Variants in PCDHGB1 observed in about 807,000 individuals in gnomAD.
PCDHGB1 encodes the protein protocadherin gamma subfamily B, 1, also known as protocadherin gamma-B1.
In PCDHGB1, 34 loss-of-function variants were observed where a neutral mutation model predicts 56.6. That is an observed-to-expected ratio of 0.60 (90% confidence interval 0.46 to 0.80). The LOEUF is 0.80. Among genes scored for constraint, PCDHGB1 ranks in the 30% least tolerant of loss-of-function variants. The pLI is 0.00. For missense variants in PCDHGB1, 1,278 were observed against 1,204.6 expected, an observed-to-expected ratio of 1.06 and a Z score of -0.90; for synonymous variants, 561 against 505.9, an observed-to-expected ratio of 1.11 and a Z score of -1.46.
intron 1 of PCDHGB1, chr5:141,404,571 C>T: frequency 6.2e-7 from 1 of 1,613,720 alleles, no homozygotes; most frequent in Non-Finnish European, 8.5e-7. Flanking sequence ...AGTGGAAGCC[C>T]ACCACTTAGC....
Position 141,384,980 on chromosome 5 carries a change from T to A in PCDHGB1, c.2409+32311T>A, listed in dbSNP as rs772144829. The A allele has an allele frequency of 1.1e-5, 18 of 1,614,040 alleles. No individual in the cohort carries two copies. In the South Asian group the frequency reaches 1.6e-4, roughly 15 times the overall value. On this transcript the variant is annotated intron_variant, in intron 1 of 3. Coordinates refer to ENST00000523390, the MANE Select transcript of PCDHGB1 (RefSeq NM_018922.3). Reference sequence around the variant, plus strand: ...AACTATGACCTCACGTTGTACCTGGTGGTGGCGGTGGCCACAGTCTCCTGC... The same window carrying A: ...AACTATGACCTCACGTTGTACCTGGAGGTGGCGGTGGCCACAGTCTCCTGC...
rs762068366 is a variant in PCDHGB1 at position 141,360,850 on chromosome 5, C to G, written c.2409+8181C>G. On this transcript the variant is annotated intron_variant, in intron 1 of 3. Coordinates refer to ENST00000523390, the MANE Select transcript of PCDHGB1 (RefSeq NM_018922.3). Reference sequence around the variant, plus strand: ...CAAAGTCACGGATGCCAACGATAACCCTCCAGTGTTCAGCCAGGACGTGTA... The same window carrying G: ...CAAAGTCACGGATGCCAACGATAACGCTCCAGTGTTCAGCCAGGACGTGTA... 16 of 1,613,984 alleles carry G rather than the reference C, an allele frequency of 9.9e-6. No individual in the cohort carries two copies. The African/African-American group carries it at 2.1e-4, about 22-fold the overall frequency.
chr5:141,388,432 A>G (rs760022375), intron 1 of PCDHGB1: 2 of 1,613,878 alleles, frequency 1.2e-6, no homozygotes, highest in Non-Finnish European at 8.5e-7. Context: ...CTGATAAATA[A>G]AGAGAAATCA....
At chr5:141,403,525 C>T (rs1427557410) in intron 1 of PCDHGB1, 1 of 1,614,002 alleles carries the variant, frequency 6.2e-7, no homozygotes, top group South Asian at 1.1e-5. Flanking sequence ...GAGCCATAAA[C>T]CCAGAGCTGG....
chr5:141,508,714 G>A (rs775462794), intron 3 of PCDHGB1, among the ~76,000 whole-genome samples: 16 of 151,880 alleles, frequency 1.1e-4, no homozygotes, highest in Admixed American at 2.0e-4. Context: ...ATTCTTTTCT[G>A]TGTGCAGGGA....
intron 1 of PCDHGB1, chr5:141,357,243 A>G (rs1301532002): frequency 6.2e-7 from 1 of 1,613,644 alleles, no homozygotes; most frequent in African/African-American, 1.3e-5. Flanking sequence ...TCAAGCCTTC[A>G]GCAGACCCAG....
rs781500930 is a variant in PCDHGB1, at chr5:141,376,588, TC to T, written c.2409+23920del. 8 of 1,575,434 alleles carry T rather than the reference TC, an allele frequency of 5.1e-6. No homozygotes were observed. The South Asian group carries it at 8.1e-5, about 16-fold the overall frequency. ...TAATCAGACAGGCTCATCAGCTAGA[TC>T]GGCTGTTATAGAAGCGAACCTCTTT... On this transcript the variant is annotated intron_variant, in intron 1 of 3. Transcript: ENST00000523390.
At chr5:141,408,400 G>A (rs2095097999) in intron 1 of PCDHGB1, 2 of 1,614,052 alleles carry the variant, frequency 1.2e-6, no homozygotes, top group Non-Finnish European at 1.7e-6. Flanking sequence ...CTCGCAAGCT[G>A]CGAGTGAGCG....
chr5:141,487,435 A>G lies in PCDHGB1; in HGVS notation c.2410-7372A>G, dbSNP rs776328527. On this transcript the variant is annotated intron_variant, in intron 1 of 3. Transcript: ENST00000523390. The surrounding 1 kb of genome is among the most constrained non-coding windows in gnomAD (Gnocchi z 5.0). ...CCAATGGGATCCTCCGAATCCAGCT[A>G]GGGTCAGATGACCCTATCAAGTTTG... 3.7e-6 allele frequency: 6 copies of G among 1,614,164 alleles called. No individual in the cohort carries two copies. In the South Asian group the frequency reaches 6.6e-5, roughly 18 times the overall value.
chr5:141,492,320 G>A (rs1001784912), intron 1 of PCDHGB1, among the ~76,000 whole-genome samples: 1 of 152,206 alleles, frequency 6.6e-6, no homozygotes. Flanking sequence ...CTCCTCGCAC[G>A]TGGGCTTACG....
At chr5:141,484,707 G>C (rs1288663675) in intron 1 of PCDHGB1, among the ~76,000 whole-genome samples, 1 of 151,802 alleles carries the variant, frequency 6.6e-6, no homozygotes. Flanking sequence ...TGTTTTCCCC[G>C]CCGAAAAGGG....
chr5:141,370,490 G>A (rs780342479), intron 1 of PCDHGB1: 48 of 1,613,776 alleles, frequency 3.0e-5, no homozygotes, highest in Non-Finnish European at 4.0e-5. Context: ...TCTCCGAACC[G>A]ATCCGCTACG....
intron 1 of PCDHGB1, among the ~76,000 whole-genome samples, chr5:141,354,450 T>C (rs1250018353): frequency 6.6e-6 from 1 of 152,234 alleles, no homozygotes; most frequent in East Asian, 1.9e-4. Context: ...ATTATCCTAT[T>C]TGTCAATCTC....
chr5:141,385,771 C>A, intron 1 of PCDHGB1: 1 of 163,128 alleles, frequency 6.1e-6, no homozygotes, highest in Non-Finnish European at 1.3e-5. Context: ...CTGATTCTGC[C>A]TCCATGTACC....
At chr5:141,365,374 CCTCACCTCTCT>C in intron 1 of PCDHGB1, 1 of 1,613,808 alleles carries the variant, frequency 6.2e-7, no homozygotes, top group African/African-American at 1.3e-5. Context: ...CCGAAGTGAT[CCTCACCTCTCT>C]GACCAGTTCG....
chr5:141,473,665 T>C (rs1054239218), intron 1 of PCDHGB1, among the ~76,000 whole-genome samples: 1 of 152,142 alleles, frequency 6.6e-6, no homozygotes, highest in Non-Finnish European at 1.5e-5. Context: ...GTGAAGGCCC[T>C]GAGACAGGGA....
chr5:141,510,954 T>G lies in PCDHGB1; in HGVS notation c.2565T>G (p.Ala855=), dbSNP rs774590102. The change falls in exon 4 of 4, where the codon GCT becomes GCG. Residue 855 remains alanine, a synonymous_variant. Coordinates refer to ENST00000523390, the MANE Select transcript of PCDHGB1 (RefSeq NM_018922.3). ...AMILASASEA[A]DGSSTLGGGA... ...CTTCCTCTGTCTCTGCAGAAGCTGC[T>G]GATGGGAGCTCCACCCTGGGAGGGG... is the stretch of plus-strand genomic sequence containing the variant. The G allele has an allele frequency of 3.1e-6, 5 of 1,614,162 alleles. No homozygotes were observed. The Admixed American group carries it at 8.3e-5, about 27-fold the overall frequency.
At chr5:141,461,051 A>G (rs1238514064) in intron 1 of PCDHGB1, among the ~76,000 whole-genome samples, 1 of 151,734 alleles carries the variant, frequency 6.6e-6, no homozygotes, top group East Asian at 1.9e-4. Flanking sequence ...ATGGGGACTT[A>G]GGTTGGTTTC....
At position 141,491,305 on chromosome 5, in the gene PCDHGB1, G is replaced by T. The variant is rs1461861151; in HGVS notation, c.2410-3502G>T. 6.2e-7 allele frequency: 1 copy of T among 1,614,176 alleles called. No homozygotes were observed. Among genetic ancestry groups the T allele is most frequent in the African/African-American group, 1.3e-5 (1 of 75,048 alleles). ...CCTCATACACCCTCCTGAGCGTTCA[G>T]ACCTTACCCTTTACCTCATTGTGGC... On this transcript the variant is annotated intron_variant, in intron 1 of 3. Coordinates refer to ENST00000523390, the MANE Select transcript of PCDHGB1 (RefSeq NM_018922.3). This position sits in a 1 kb window ranked among gnomAD's most constrained non-coding sequence, Gnocchi z 6.9.
Sources: gnomAD v4.1 joint callset for allele counts (sites outside exome capture counted in the v4.1 genomes callset) on GRCh38, gnomAD v4.1.1 for gene constraint, Gnocchi (gnomAD v3.1) non-coding constraint, MANE v1.5 for transcripts, NCBI Gene and HGNC (gene_info 2026-07-23, HGNC 2026-07-21) for gene names.